Variants in COL23A1 observed in about 807,000 individuals in gnomAD.
COL23A1 encodes the protein collagen type XXIII alpha 1 chain, also known as collagen alpha-1(XXIII) chain.
Under a neutral mutation model 99.3 loss-of-function variants are expected in COL23A1, and 97 were observed. The observed-to-expected ratio is 0.98, with a 90% CI of 0.83 to 1.16. The LOEUF is 1.16. COL23A1 is among the 50% of genes most tolerant of loss of function. The pLI is 0.00. For missense variants in COL23A1, 762 were observed against 757.4 expected (o/e 1.01, Z -0.07); for synonymous variants, 320 against 308.2 (o/e 1.04, Z -0.40).
At chr5:178,585,499 C>A (rs1248287384) in intron 1 of COL23A1, among the ~76,000 whole-genome samples, 59 of 125,018 alleles carry the variant, frequency 4.7e-4, no homozygotes, top group Non-Finnish European at 1.0e-3. Context: ...CTGGATGACG[C>A]TGGAGTAACA....
At chr5:178,259,867 C>A (rs1765533219) in intron 11 of COL23A1, 120 bp from the exon 12 acceptor site, 1 of 855,920 alleles carries the variant, frequency 1.2e-6, no homozygotes, top group Non-Finnish European at 1.8e-6. Flanking sequence ...AGGGCCAGCC[C>A]AGAGACCCCT....
rs911593031 is a variant in COL23A1 at position 178,434,504 on chromosome 5, T to C, written c.361+126178A>G. 5.9e-5 allele frequency among the ~76,000 whole-genome samples: 9 copies of C among 152,010 alleles called. No homozygotes were observed. Among genetic ancestry groups the C allele is most frequent in the African/African-American group, 1.9e-4 (8 of 41,390 alleles). ...ACACCTCATCTGTAAAATGGTGAGG[T>C]TGGGTGAAGATCAAAGGAGAGGAGG... is the stretch of plus-strand genomic sequence containing the variant. On this transcript the variant is annotated intron_variant, in intron 2 of 28. Coordinates refer to ENST00000390654, the MANE Select transcript of COL23A1 (RefSeq NM_173465.4). The surrounding 1 kb of genome is among the most constrained non-coding windows in gnomAD (Gnocchi z 4.3).
chr5:178,346,298 A>G (rs1041737081), intron 2 of COL23A1, among the ~76,000 whole-genome samples: 5 of 152,022 alleles, frequency 3.3e-5, no homozygotes, highest in Non-Finnish European at 7.4e-5. Context: ...CATTGGTGCG[A>G]TCTCGGCTCA....
At chr5:178,528,941 G>T (rs748631746) in intron 2 of COL23A1, among the ~76,000 whole-genome samples, 1 of 152,248 alleles carries the variant, frequency 6.6e-6, no homozygotes, top group African/African-American at 2.4e-5. Context: ...TAGAGACGGT[G>T]TATCAGTTAC....
At chr5:178,529,722 C>T (rs1255220026) in intron 2 of COL23A1, among the ~76,000 whole-genome samples, 1 of 152,144 alleles carries the variant, frequency 6.6e-6, no homozygotes, top group Non-Finnish European at 1.5e-5. Flanking sequence ...GCTCCCAGGC[C>T]TCTGTCTCCC....
In COL23A1 at chr5:178,438,321, G is replaced by A. The variant is rs1022008788; in HGVS notation, c.361+122361C>T. On this transcript the variant is annotated intron_variant, in intron 2 of 28. Coordinates refer to ENST00000390654, the MANE Select transcript of COL23A1 (RefSeq NM_173465.4). ...ACATGAGCAAGAATGCCAAACACCT[G>A]GAGGGGGAAAAAAAGGTATGTAGGA... Among the ~76,000 whole-genome samples, 16 of 152,016 alleles carry A rather than the reference G, an allele frequency of 1.1e-4. 1 individual carries two copies. The highest frequency in any genetic ancestry group is 7.9e-4 in the Admixed American group (12 of 15,280).
At chr5:178,305,411 GT>G (rs5873608) in intron 3 of COL23A1, among the ~76,000 whole-genome samples, 106,462 of 151,784 alleles carry the variant, frequency 0.7, 37,834 homozygotes, top group Non-Finnish European at 0.75. Flanking sequence ...CTTGGGCCCA[GT>G]TGGCCCGGGG....
Position 178,375,366 on chromosome 5 carries a change from C to T in COL23A1, c.362-68447G>A, listed in dbSNP as rs566625694. Among the ~76,000 whole-genome samples, 3 of 152,322 alleles carry T rather than the reference C, an allele frequency of 2.0e-5. No homozygotes were observed. In the South Asian group the frequency reaches 6.2e-4, roughly 32 times the overall value. ...CATCTCTCCCCTGGATTCTCCAAAC[C>T]CTACCGACTGCCTCCAGGCACCACC... On this transcript the variant is annotated intron_variant, in intron 2 of 28. Coordinates refer to ENST00000390654, the MANE Select transcript of COL23A1 (RefSeq NM_173465.4).
rs1345519065 is a variant in COL23A1, at chr5:178,468,145, C to T, written c.361+92537G>A. Among the ~76,000 whole-genome samples the T allele has an allele frequency of 1.3e-5, 2 of 152,146 alleles. No individual in the cohort carries two copies. Among genetic ancestry groups the T allele is most frequent in the African/African-American group, 4.8e-5 (2 of 41,416 alleles). ...AGAAATCTGAGTGCCAGAAAGAGAGCGCCGGCTTTGGGGTGTGCTTGTGTG... is the reference window on the plus strand; with the variant it reads ...AGAAATCTGAGTGCCAGAAAGAGAGTGCCGGCTTTGGGGTGTGCTTGTGTG... On this transcript the variant is annotated intron_variant, in intron 2 of 28. Coordinates refer to ENST00000390654, the MANE Select transcript of COL23A1 (RefSeq NM_173465.4). This position sits in a 1 kb window ranked among gnomAD's most constrained non-coding sequence, Gnocchi z 4.2.
chr5:178,446,754 G>C (rs1172486247), intron 2 of COL23A1, among the ~76,000 whole-genome samples: 1 of 152,100 alleles, frequency 6.6e-6, no homozygotes, highest in Non-Finnish European at 1.5e-5. Flanking sequence ...TCAAAATACT[G>C]AAACAGTTAT....
chr5:178,409,021 C>CACAT (rs1554161398), intron 2 of COL23A1, among the ~76,000 whole-genome samples: 1 of 129,350 alleles, frequency 7.7e-6, no homozygotes, highest in Non-Finnish European at 1.6e-5. Flanking sequence ...CACACACACA[C>CACAT]ATCATGTGGC....
At chr5:178,444,794 T>C (rs1767069169) in intron 2 of COL23A1, among the ~76,000 whole-genome samples, 1 of 152,098 alleles carries the variant, frequency 6.6e-6, no homozygotes, top group African/African-American at 2.4e-5. Context: ...AGACTTTTTG[T>C]GAAAACAAAA....
chr5:178,526,636 G>GAGCTTCTTGGGGGA (rs1182338401), intron 2 of COL23A1, among the ~76,000 whole-genome samples: 5 of 152,146 alleles, frequency 3.3e-5, no homozygotes, highest in African/African-American at 1.2e-4. Flanking sequence ...TGCTGCCGTG[G>GAGCTTCTTGGGGGA]AGCTTCTTGG....
chr5:178,368,406 G>A (rs113268986), intron 2 of COL23A1, among the ~76,000 whole-genome samples: 1 of 152,156 alleles, frequency 6.6e-6, no homozygotes, highest in Non-Finnish European at 1.5e-5. Context: ...CCCCACCAGA[G>A]GGTACGTCTG....
intron 1 of COL23A1, among the ~76,000 whole-genome samples, chr5:178,581,550 A>G (rs1432223417): frequency 6.7e-6 from 1 of 149,182 alleles, no homozygotes; most frequent in East Asian, 2.0e-4. Flanking sequence ...TGGGCGACAG[A>G]GTGAGATTCC....
At chr5:178,542,648 G>A (rs1761353935) in intron 2 of COL23A1, among the ~76,000 whole-genome samples, 1 of 148,544 alleles carries the variant, frequency 6.7e-6, no homozygotes, top group African/African-American at 2.5e-5. Context: ...GGAAGGCAGG[G>A]AAGAAAAAAT....
intron 2 of COL23A1, among the ~76,000 whole-genome samples, chr5:178,492,229 T>C (rs143399036): frequency 2.0e-5 from 3 of 152,274 alleles, no homozygotes; most frequent in Non-Finnish European, 2.9e-5. Context: ...ATGAACTGTA[T>C]TGTGTCCCCC....
At chr5:178,315,172 C>CAATGGGA (rs1758911049) in intron 2 of COL23A1, among the ~76,000 whole-genome samples, 3 of 152,090 alleles carry the variant, frequency 2.0e-5, no homozygotes, top group South Asian at 2.1e-4. Flanking sequence ...TAAGCTTTTC[C>CAATGGGA]AATGGGATTA....
In COL23A1 at chr5:178,263,298, A is replaced by G. The variant is rs929738865; in HGVS notation, c.549T>C (p.Ala183=). 3.1e-6 allele frequency: 5 copies of G among 1,606,494 alleles called. No homozygotes were observed. The highest frequency in any genetic ancestry group is 4.2e-6 in the Non-Finnish European group (5 of 1,177,636). Residue 183 remains alanine, a synonymous_variant, in exon 9 of 29, where the codon GCT becomes GCC. Transcript: ENST00000390654. ...PRGDQGQDGA[A]GPPGPPGPPG... ...GAGGTCCAGGGGGCCCCGGAGGCCC[A>G]GCAGCTCCATCTTGTCCTTGGTCTC... is the stretch of plus-strand genomic sequence containing the variant.
Sources: gnomAD v4.1 joint callset for allele counts (sites outside exome capture counted in the v4.1 genomes callset) on GRCh38, gnomAD v4.1.1 for gene constraint, Gnocchi (gnomAD v3.1) non-coding constraint, MANE v1.5 for transcripts, NCBI Gene and HGNC (gene_info 2026-07-23, HGNC 2026-07-21) for gene names.